Variants in SLC25A26 observed in about 807,000 individuals in gnomAD.
SLC25A26 encodes the protein solute carrier family 25 member 26.
In SLC25A26, 36 loss-of-function variants were observed where a neutral mutation model predicts 37.8. The ratio of observed to expected loss-of-function variants is 0.95; its 90% CI spans 0.73 to 1.26. The LOEUF is 1.26. SLC25A26 is among the 50% of genes most tolerant of loss of function. The pLI is 0.00. For missense variants in SLC25A26, 390 were observed against 331.1 expected (o/e 1.18, Z -1.38); for synonymous variants, 129 against 122.5 (o/e 1.05, Z -0.35).
intron 5 of SLC25A26, among the ~76,000 whole-genome samples, chr3:66,329,857 T>C (rs1198593747): frequency 6.6e-6 from 1 of 152,186 alleles, no homozygotes; most frequent in Non-Finnish European, 1.5e-5. Context: ...GTTTCTCCAA[T>C]GCATTTTAAT....
At chr3:66,334,612 G>T (rs2076053425) in intron 5 of SLC25A26, among the ~76,000 whole-genome samples, 1 of 152,060 alleles carries the variant, frequency 6.6e-6, no homozygotes, top group Non-Finnish European at 1.5e-5. Context: ...TACTGCGCCG[G>T]GCCCTGAGTG....
At chr3:66,284,762 A>G (rs1484601552) in intron 5 of SLC25A26, among the ~76,000 whole-genome samples, 7 of 152,204 alleles carry the variant, frequency 4.6e-5, no homozygotes, top group African/African-American at 1.7e-4. Flanking sequence ...ACATTTTCAA[A>G]TGGTGCAGCA....
chr3:66,165,178 C>A (rs1473011126), intron 1 of SLC25A26, among the ~76,000 whole-genome samples: 1 of 152,184 alleles, frequency 6.6e-6, no homozygotes, highest in African/African-American at 2.4e-5. Flanking sequence ...GAAACTAAGG[C>A]TTTTCACCAA....
intron 5 of SLC25A26, among the ~76,000 whole-genome samples, chr3:66,298,542 A>G (rs1472937004): frequency 6.6e-6 from 1 of 152,236 alleles, no homozygotes; most frequent in Non-Finnish European, 1.5e-5. Flanking sequence ...AAAGAATTAC[A>G]TTAAGAATTA....
intron 1 of SLC25A26, among the ~76,000 whole-genome samples, chr3:66,234,649 T>G (rs2072189437): frequency 6.6e-6 from 1 of 152,214 alleles, no homozygotes; most frequent in Non-Finnish European, 1.5e-5. Flanking sequence ...ATCATTAAAG[T>G]ATTTCATTTT....
intron 1 of SLC25A26, among the ~76,000 whole-genome samples, chr3:66,235,818 C>G (rs539538918): frequency 6.6e-6 from 1 of 152,242 alleles, no homozygotes; most frequent in Non-Finnish European, 1.5e-5. Context: ...CAGCAAGAAA[C>G]CAATAAAAGT....
intron 1 of SLC25A26, among the ~76,000 whole-genome samples, chr3:66,180,497 C>G (rs2070682095): frequency 6.6e-6 from 1 of 152,206 alleles, no homozygotes; most frequent in African/African-American, 2.4e-5. Flanking sequence ...AAAGGTGGGA[C>G]AGATCTTTCC....
At chr3:66,215,172 T>G (rs1392853552) in intron 1 of SLC25A26, among the ~76,000 whole-genome samples, 3 of 152,126 alleles carry the variant, frequency 2.0e-5, no homozygotes, top group African/African-American at 7.2e-5. Context: ...AATGTTTACC[T>G]TTTTGTTCTA....
At chr3:66,292,877 T>C (rs140516466) in intron 5 of SLC25A26, among the ~76,000 whole-genome samples, 2,566 of 152,312 alleles carry the variant, frequency 0.017, 35 homozygotes, top group Non-Finnish European at 0.03. Flanking sequence ...TCCTGCAGAG[T>C]ATTTTCCAAC....
Position 66,375,729 on chromosome 3 carries a change from C to CA in SLC25A26, c.708-1960dup, listed in dbSNP as rs1270969485. On this transcript the variant is annotated intron_variant, in intron 9 of 9. Transcript: ENST00000354883. The stretch of plus-strand genomic sequence containing the variant: ...CTTTTAAAATATTTCCGCTCATTGA[C>CA]AGTGTACCTGGTCACCCTGGAGTTC... Among the ~76,000 whole-genome samples, 3 of 152,140 alleles carry CA rather than the reference C, an allele frequency of 2.0e-5. No homozygotes were observed. The East Asian group carries it at 5.8e-4, about 29-fold the overall frequency.
At chr3:66,283,577 C>G (rs1163239570) in intron 5 of SLC25A26, among the ~76,000 whole-genome samples, 1 of 152,124 alleles carries the variant, frequency 6.6e-6, no homozygotes, top group Admixed American at 6.5e-5. Flanking sequence ...GTGCCTGGCC[C>G]AAACTCTTTT....
intron 5 of SLC25A26, among the ~76,000 whole-genome samples, chr3:66,273,139 A>G (rs1471830728): frequency 6.6e-6 from 1 of 152,112 alleles, no homozygotes; most frequent in Non-Finnish European, 1.5e-5. Flanking sequence ...CCCAGGGATG[A>G]AGCCCACTTG....
intron 3 of SLC25A26, among the ~76,000 whole-genome samples, chr3:66,247,622 A>C (rs965852674): frequency 1.3e-5 from 2 of 152,216 alleles, no homozygotes; most frequent in Non-Finnish European, 2.9e-5. Flanking sequence ...TATTGACCTT[A>C]AATGGACTTT....
At chr3:66,374,208 GGTTTGTGGC>G (rs1700507809) in intron 9 of SLC25A26, among the ~76,000 whole-genome samples, 2 of 152,254 alleles carry the variant, frequency 1.3e-5, no homozygotes, top group East Asian at 3.9e-4. Flanking sequence ...CCAAATTGAA[GGTTTGTGGC>G]AACCCTGCGT....
intron 1 of SLC25A26, among the ~76,000 whole-genome samples, chr3:66,152,726 G>A (rs370861854): frequency 6.2e-4 from 95 of 152,306 alleles, no homozygotes; most frequent in African/African-American, 2.2e-3. Flanking sequence ...TTTGGCTGAC[G>A]TTGTCTATTT....
At position 66,267,724 on chromosome 3, in the gene SLC25A26, A is replaced by G. The variant is rs74463153; in HGVS notation, c.453+4345A>G. Among the ~76,000 whole-genome samples, 42 of 152,332 alleles carry G rather than the reference A, an allele frequency of 2.8e-4. No individual in the cohort carries two copies. The East Asian group carries it at 7.9e-3, about 29-fold the overall frequency. On this transcript the variant is annotated intron_variant, in intron 5 of 9. Transcript: ENST00000354883. ...TTTTGCTGTAAGCAGTCAACATGCC[A>G]AACAAGTAATTCAATCTGTTCAGTA... is the stretch of plus-strand genomic sequence containing the variant.
intron 1 of SLC25A26, among the ~76,000 whole-genome samples, chr3:66,142,441 A>C (rs1238060132): frequency 6.6e-6 from 1 of 152,166 alleles, no homozygotes; most frequent in Non-Finnish European, 1.5e-5. Flanking sequence ...GAAGTAGACT[A>C]TAAAAGAATT....
At chr3:66,243,370 T>C in intron 3 of SLC25A26, 58 bp downstream of exon 3, 1 of 800,296 alleles carries the variant, frequency 1.2e-6, no homozygotes, top group South Asian at 1.7e-5. Context: ...GCATATATTT[T>C]CAGTACATAT....
chr3:66,243,467 A>G (rs1202161831), intron 3 of SLC25A26, 155 bp downstream of exon 3: 3 of 154,692 alleles, frequency 1.9e-5, no homozygotes, highest in African/African-American at 7.2e-5. Flanking sequence ...CAGTTCGAAG[A>G]TAGAGCCTGA....
Sources: allele counts gnomAD v4.1 joint callset (sites outside exome capture counted in the v4.1 genomes callset), GRCh38; gene constraint gnomAD v4.1.1; transcripts MANE v1.5; gene names NCBI Gene and HGNC (gene_info 2026-07-23, HGNC 2026-07-21).